Variants in DUSP19 observed in about 807,000 individuals in gnomAD.
The protein encoded by DUSP19 is dual specificity protein phosphatase 19.
Under a neutral mutation model 16.6 loss-of-function variants are expected in DUSP19, and 14 were observed. The ratio of observed to expected loss-of-function variants is 0.84; its 90% CI spans 0.56 to 1.32. The LOEUF (loss-of-function observed/expected upper bound fraction) is 1.32. Ranked by LOEUF, DUSP19 falls within the 40% of genes most tolerant of loss-of-function variation. The pLI is 0.00. For missense variants in DUSP19, 258 were observed against 255.9 expected (o/e 1.01, Z -0.06); for synonymous variants, 81 against 90.5 (o/e 0.90, Z 0.59).
At chr2:183,085,855 T>G (rs868659318) in intron 2 of DUSP19, among the ~76,000 whole-genome samples, 2 of 70,930 alleles carry the variant, frequency 2.8e-5, no homozygotes, top group African/African-American at 5.1e-5. Flanking sequence ...AGGTTTTTTT[T>G]TTTTTTTTTT....
At chr2:183,092,640 T>C (rs974842334) in intron 3 of DUSP19, among the ~76,000 whole-genome samples, 2 of 152,112 alleles carry the variant, frequency 1.3e-5, no homozygotes, top group Non-Finnish European at 2.9e-5. Flanking sequence ...CAGACTATCA[T>C]TGATTGGCAT....
chr2:183,086,336 A>G (rs979158258), intron 2 of DUSP19, among the ~76,000 whole-genome samples: 1 of 152,116 alleles, frequency 6.6e-6, no homozygotes, highest in Non-Finnish European at 1.5e-5. Flanking sequence ...AAGTTTTTAT[A>G]TGGATATTCA....
rs1699793339 is a variant in DUSP19, at chr2:183,095,787, G to C, written c.*129G>C. ...CTTGCCTTTTTTATGCATAAATGGA[G>C]GTCAATTTGATTGTCCTGACCTACT... is the stretch of plus-strand genomic sequence containing the variant. On this transcript the variant is annotated 3_prime_UTR_variant, in exon 4 of 4. Transcript: ENST00000354221. 1.6e-6 allele frequency: 1 copy of C among 630,424 alleles called. No individual in the cohort carries two copies. The highest frequency in any genetic ancestry group is 3.3e-5 in the Admixed American group (1 of 30,594). 39.1% of individuals were successfully genotyped at this position (630,424 alleles called of 1,614,324 possible). A position where few individuals can be genotyped will look rare whatever the true frequency, so the allele number is the denominator to read the frequency against.
At position 183,097,678 on chromosome 2, in the gene DUSP19, C is replaced by T. The variant is rs1699820930; in HGVS notation, c.*2020C>T. The T allele has an allele frequency of 6.6e-6, 1 of 152,174 alleles. No individual in the cohort carries two copies. The highest frequency in any genetic ancestry group is 6.5e-5 in the Admixed American group (1 of 15,282). 9.4% of individuals were successfully genotyped at this position (152,174 alleles called of 1,614,324 possible). A position where few individuals can be genotyped will look rare whatever the true frequency, so the allele number is the denominator to read the frequency against. ...GAAGCCAACCAAGGCAGGCAGAACC[C>T]TCTTAAATATGAGACTGATGTATAG... is the stretch of plus-strand genomic sequence containing the variant. On this transcript the variant is annotated 3_prime_UTR_variant, in exon 4 of 4. Coordinates refer to ENST00000354221, the MANE Select transcript of DUSP19 (RefSeq NM_080876.4).
chr2:183,092,134 A>G (rs1227163829), intron 3 of DUSP19, among the ~76,000 whole-genome samples: 1 of 152,206 alleles, frequency 6.6e-6, no homozygotes, highest in African/African-American at 2.4e-5. Context: ...ACGCTGAACT[A>G]AGGAGTATAT....
chr2:183,081,686 A>T (rs958442754), intron 1 of DUSP19, among the ~76,000 whole-genome samples: 10 of 152,250 alleles, frequency 6.6e-5, no homozygotes, highest in African/African-American at 1.4e-4. Flanking sequence ...ATAGACAATT[A>T]TGTATATACC....
At chr2:183,090,693 T>A (rs1367895485) in intron 3 of DUSP19, among the ~76,000 whole-genome samples, 2 of 152,258 alleles carry the variant, frequency 1.3e-5, no homozygotes, top group African/African-American at 4.8e-5. Flanking sequence ...TATATTCTTT[T>A]ATAGCCTGCC....
At chr2:183,087,344 G>A (rs983253784) in intron 3 of DUSP19, 152 bp downstream of exon 3, 10 of 840,122 alleles carry the variant, frequency 1.2e-5, no homozygotes, top group Non-Finnish European at 1.2e-5. Flanking sequence ...ACAATTATTT[G>A]GTTAATTGCT....
Position 183,083,556 on chromosome 2 carries a change from TAAAA to T in DUSP19, c.273+6_273+9del. On this transcript the variant is annotated splice_donor_5th_base_variant and intron_variant, in intron 2 of 3. Transcript: ENST00000354221. ...TTGGATACACTGAAAAAGAATAAGG[TAAAA>T]AAATGCTTTAAGTCTGGCACCATAT... is the stretch of plus-strand genomic sequence containing the variant. 6.2e-7 allele frequency: 1 copy of T among 1,610,032 alleles called. No homozygotes were observed. The highest frequency in any genetic ancestry group is 8.5e-7 in the Non-Finnish European group (1 of 1,178,144).
In DUSP19 at chr2:183,078,859, T is replaced by G; in HGVS notation, c.-75T>G. On this transcript the variant is annotated 5_prime_UTR_variant, in exon 1 of 4. Transcript: ENST00000354221. Reference sequence around the variant, plus strand: ...GAGGCTGGCTTTGTTACCTGGGCAATAAGGGACTAGCAGTTCAGCCGTTTT... The same window carrying G: ...GAGGCTGGCTTTGTTACCTGGGCAAGAAGGGACTAGCAGTTCAGCCGTTTT... 7.2e-7 allele frequency: 1 copy of G among 1,386,498 alleles called. No individual in the cohort carries two copies. Among genetic ancestry groups the G allele is most frequent in the African/African-American group, 1.4e-5 (1 of 69,850 alleles). 85.9% of individuals were successfully genotyped at this position (1,386,498 alleles called of 1,614,324 possible).
intron 3 of DUSP19, among the ~76,000 whole-genome samples, chr2:183,092,090 T>G (rs1265150257): frequency 2.0e-5 from 3 of 152,138 alleles, no homozygotes; most frequent in African/African-American, 7.2e-5. Flanking sequence ...CTTAGTTCTT[T>G]GAGAGATTTT....
intron 2 of DUSP19, among the ~76,000 whole-genome samples, chr2:183,085,302 T>C (rs1043210778): frequency 1.3e-5 from 2 of 151,944 alleles, no homozygotes; most frequent in South Asian, 2.1e-4. Flanking sequence ...TATGGAATGA[T>C]CAAACAAAGA....
At chr2:183,095,198 A>G (rs903128498) in intron 3 of DUSP19, among the ~76,000 whole-genome samples, 1 of 152,224 alleles carries the variant, frequency 6.6e-6, no homozygotes, top group Non-Finnish European at 1.5e-5. Context: ...TCATTAAAGC[A>G]TTTCAATCAT....
At position 183,083,497 on chromosome 2, in the gene DUSP19, ATTTC is replaced by A. The variant is rs779103923; in HGVS notation, c.227-8_227-5del. 6 of 1,601,624 alleles carry A rather than the reference ATTTC, an allele frequency of 3.7e-6. No homozygotes were observed. The highest frequency in any genetic ancestry group is 5.1e-6 in the Non-Finnish European group (6 of 1,174,458). On this transcript the variant is annotated splice_polypyrimidine_tract_variant and splice_region_variant and intron_variant, in intron 1 of 3. Coordinates refer to ENST00000354221, the MANE Select transcript of DUSP19 (RefSeq NM_080876.4). ...ATTTGTGTTCAAGGTGGTATCATTT[ATTTC>A]TTCTAGGGTCACAAGATGCTGCTCA...
At chr2:183,087,996 A>C (rs928481767) in intron 3 of DUSP19, among the ~76,000 whole-genome samples, 1 of 152,210 alleles carries the variant, frequency 6.6e-6, no homozygotes, top group African/African-American at 2.4e-5. Context: ...AGAAAATATA[A>C]AACTATTCAA....
intron 3 of DUSP19, among the ~76,000 whole-genome samples, chr2:183,088,382 T>G (rs1219384569): frequency 6.6e-6 from 1 of 151,370 alleles, no homozygotes; most frequent in South Asian, 2.1e-4. Flanking sequence ...GTTTTTTTTG[T>G]TTTTTGTTTT....
At position 183,096,757 on chromosome 2, in the gene DUSP19, G is replaced by A. The variant is rs1699808209; in HGVS notation, c.*1099G>A. On this transcript the variant is annotated 3_prime_UTR_variant, in exon 4 of 4. Transcript: ENST00000354221. ...GATACTGCAAGATCATTGTTTAGTG[G>A]TCTGTTTTCTACTTCAGTATTCTAC... 1 of 151,808 alleles carries A rather than the reference G, an allele frequency of 6.6e-6. No homozygotes were observed. Among genetic ancestry groups the A allele is most frequent in the Non-Finnish European group, 1.5e-5 (1 of 67,920 alleles). 9.4% of individuals were successfully genotyped at this position (151,808 alleles called of 1,614,324 possible).
rs749954957 is a variant in DUSP19 at position 183,078,950 on chromosome 2, A to G, written c.17A>G (p.Gln6Arg). ...GCTCATGTAATGTACTCCCTTAACC[A>G]GGAAATTAAAGCATTCTCCCGGAAT... MYSLNQEIKAFSRNNL... is the reference protein window; with the variant it reads MYSLNREIKAFSRNNL... The change falls in exon 1 of 4, where the codon CAG becomes CGG. Residue 6 changes from glutamine to arginine, a missense_variant. Physicochemically the swap from Gln to Arg is conservative, Grantham distance 43. Coordinates refer to ENST00000354221, the MANE Select transcript of DUSP19 (RefSeq NM_080876.4). 5.0e-6 allele frequency: 8 copies of G among 1,613,984 alleles called. No homozygotes were observed. Among genetic ancestry groups the G allele is most frequent in the Non-Finnish European group, 5.1e-6 (6 of 1,180,012 alleles).
chr2:183,079,185 T>C (rs1234826910), intron 1 of DUSP19, 26 bp downstream of exon 1: 1 of 1,596,592 alleles, frequency 6.3e-7, no homozygotes, highest in Non-Finnish European at 8.6e-7. Flanking sequence ...TGCCACTAGA[T>C]CATTGAGTCC....
Sources: allele counts gnomAD v4.1 joint callset (sites outside exome capture counted in the v4.1 genomes callset), GRCh38; gene constraint gnomAD v4.1.1; transcripts MANE v1.5; gene names NCBI Gene and HGNC (gene_info 2026-07-23, HGNC 2026-07-21).